ANKH: variants seen among roughly 807,000 people sequenced by gnomAD.
ANKH encodes ANKH inorganic pyrophosphate transport regulator, also known as mineralization regulator ANKH.
In ANKH, 15 loss-of-function variants were observed where a neutral mutation model predicts 49.0. That is an observed-to-expected ratio of 0.31 (90% CI 0.20 to 0.47). The LOEUF is 0.47. Ranked by LOEUF, ANKH falls within the 20% of genes least tolerant of loss-of-function variation. ANKH has a pLI of 1.00. For synonymous variants in ANKH, 273 were observed against 260.0 expected (o/e 1.05, Z -0.48); for missense variants, 429 against 652.0 (o/e 0.66, Z 3.72).
At chr5:14,727,875 A>T (rs1213260495) in intron 8 of ANKH, among the ~76,000 whole-genome samples, 1 of 152,156 alleles carries the variant, frequency 6.6e-6, no homozygotes, top group Non-Finnish European at 1.5e-5. Context: ...TTCTACAATT[A>T]AAAAAATCTT....
chr5:14,836,896 G>T (rs976145600), intron 1 of ANKH, among the ~76,000 whole-genome samples: 1 of 152,186 alleles, frequency 6.6e-6, no homozygotes, highest in Non-Finnish European at 1.5e-5. Flanking sequence ...AACCAAAACA[G>T]CATGATACTG....
At chr5:14,816,687 T>C (rs986555197) in intron 1 of ANKH, among the ~76,000 whole-genome samples, 4 of 152,202 alleles carry the variant, frequency 2.6e-5, no homozygotes, top group African/African-American at 9.6e-5. Context: ...TCATGTCAAG[T>C]ACATCTGACT....
chr5:14,714,989 C>G (rs1025950502), intron 9 of ANKH, among the ~76,000 whole-genome samples: 1 of 152,232 alleles, frequency 6.6e-6, no homozygotes, highest in African/African-American at 2.4e-5. Context: ...TGTGTCTACC[C>G]AACAAGTACA....
intron 4 of ANKH, among the ~76,000 whole-genome samples, chr5:14,752,696 G>A (rs896212892): frequency 3.9e-5 from 6 of 152,092 alleles, no homozygotes; most frequent in South Asian, 2.1e-4. Context: ...GGACTGCAGC[G>A]GGGAGAGGGC....
In ANKH at chr5:14,783,906, T is replaced by C. The variant is rs1292520874; in HGVS notation, c.97-14715A>G. On this transcript the variant is annotated intron_variant, in intron 1 of 11. Transcript: ENST00000284268. ...TCCAGATTCACTATGACTCAGACCTTGTTTCTGAAAATTAGAGCAGCTGAA... is the reference window on the plus strand; with the variant it reads ...TCCAGATTCACTATGACTCAGACCTCGTTTCTGAAAATTAGAGCAGCTGAA... 2.0e-5 allele frequency among the ~76,000 whole-genome samples: 3 copies of C among 152,102 alleles called. No individual in the cohort carries two copies. In the East Asian group the frequency reaches 5.8e-4, roughly 29 times the overall value.
chr5:14,847,005 C>A (rs200915313), intron 1 of ANKH, among the ~76,000 whole-genome samples: 377 of 110,100 alleles, frequency 3.4e-3, no homozygotes, highest in Non-Finnish European at 3.4e-3. Flanking sequence ...AAGACTGCCT[C>A]AAAAAAAAAA....
At chr5:14,712,825 CACCCA>C in intron 11 of ANKH, 44 bp downstream of exon 11, 1 of 1,535,986 alleles carries the variant, frequency 6.5e-7, no homozygotes, top group South Asian at 1.2e-5. Flanking sequence ...GGTTCTCCTG[CACCCA>C]GGAGGATGCA....
intron 11 of ANKH, 123 bp from the exon 12 acceptor site, chr5:14,711,433 T>C: frequency 1.3e-6 from 1 of 797,810 alleles, no homozygotes; most frequent in Non-Finnish European, 2.2e-6. Flanking sequence ...AACCTTCTTA[T>C]GGTTGGGGTG....
At chr5:14,832,896 G>C (rs1203774363) in intron 1 of ANKH, among the ~76,000 whole-genome samples, 1 of 152,190 alleles carries the variant, frequency 6.6e-6, no homozygotes, top group Non-Finnish European at 1.5e-5. Flanking sequence ...TTTCTGAAAA[G>C]GAGAAATTTG....
chr5:14,845,655 G>A (rs1269532583), intron 1 of ANKH, among the ~76,000 whole-genome samples: 1 of 152,036 alleles, frequency 6.6e-6, no homozygotes, highest in East Asian at 1.9e-4. Context: ...AATCCACCCA[G>A]GGTGCTAGGC....
intron 1 of ANKH, among the ~76,000 whole-genome samples, chr5:14,848,424 T>C (rs1040120963): frequency 2.0e-5 from 3 of 152,024 alleles, no homozygotes; most frequent in Non-Finnish European, 4.4e-5. Flanking sequence ...CTGGGTCCCC[T>C]CCCGTTGTAT....
chr5:14,769,874 T>C (rs1022880555), intron 1 of ANKH, among the ~76,000 whole-genome samples: 3 of 152,220 alleles, frequency 2.0e-5, no homozygotes, highest in Non-Finnish European at 4.4e-5. Context: ...TGGATAATGG[T>C]TGTGCAGGAA....
At chr5:14,811,254 T>TA (rs1278254615) in intron 1 of ANKH, among the ~76,000 whole-genome samples, 1 of 150,308 alleles carries the variant, frequency 6.7e-6, no homozygotes, top group Non-Finnish European at 1.5e-5. Flanking sequence ...TCATACACGA[T>TA]AAAAAGACAG....
intron 1 of ANKH, among the ~76,000 whole-genome samples, chr5:14,856,550 T>C (rs1372544264): frequency 1.3e-5 from 2 of 151,880 alleles, no homozygotes; most frequent in African/African-American, 2.4e-5. Flanking sequence ...GCTTGCCCCA[T>C]TGATACTGGG....
At chr5:14,799,335 A>T (rs902522151) in intron 1 of ANKH, among the ~76,000 whole-genome samples, 57 of 152,254 alleles carry the variant, frequency 3.7e-4, no homozygotes, top group African/African-American at 1.4e-3. Flanking sequence ...AGCTGCAGCA[A>T]CTTATCCAGA....
At chr5:14,856,099 C>T (rs572464467) in intron 1 of ANKH, among the ~76,000 whole-genome samples, 13 of 151,964 alleles carry the variant, frequency 8.6e-5, no homozygotes, top group East Asian at 7.8e-4. Context: ...GCAGGCGAAT[C>T]GCTTGAGCCC....
intron 1 of ANKH, among the ~76,000 whole-genome samples, chr5:14,857,328 A>G (rs572225300): frequency 1.4e-4 from 21 of 152,336 alleles, no homozygotes; most frequent in African/African-American, 5.1e-4. Context: ...TATTTTAAAA[A>G]ATGAAAGTCC....
intron 1 of ANKH, among the ~76,000 whole-genome samples, chr5:14,835,054 T>A (rs973218845): frequency 6.6e-6 from 1 of 152,224 alleles, no homozygotes; most frequent in Middle Eastern, 3.2e-3. Context: ...AACATTACTT[T>A]AATCAAGCAA....
At chr5:14,862,449 C>A (rs917162918) in intron 1 of ANKH, among the ~76,000 whole-genome samples, 2 of 152,158 alleles carry the variant, frequency 1.3e-5, no homozygotes, top group Non-Finnish European at 2.9e-5. Flanking sequence ...AACTAATTAA[C>A]CAACAAAGAA....
Sources: gnomAD v4.1 joint callset for allele counts (sites outside exome capture counted in the v4.1 genomes callset) on GRCh38, gnomAD v4.1.1 for gene constraint, MANE v1.5 for transcripts, NCBI Gene and HGNC (gene_info 2026-07-23, HGNC 2026-07-21) for gene names.